CAPS2: variants seen among roughly 807,000 people sequenced by gnomAD.
CAPS2 encodes calcyphosin-2.
CAPS2 carries 98 observed loss-of-function variants against 86.5 expected under a neutral mutation model. The ratio of observed to expected loss-of-function variants is 1.13; its 90% CI spans 0.96 to 1.34. The LOEUF is 1.34. Among genes scored for constraint, CAPS2 ranks in the 40% most tolerant of loss-of-function variants. CAPS2 has a pLI of 0.00. For synonymous variants in CAPS2, 210 were observed against 225.1 expected (o/e 0.93, Z 0.60); for missense variants, 729 against 686.8 (o/e 1.06, Z -0.69).
intron 1 of CAPS2, among the ~76,000 whole-genome samples, chr12:75,357,798 T>C (rs2043250188): frequency 6.6e-6 from 1 of 151,786 alleles, no homozygotes; most frequent in African/African-American, 2.4e-5. Context: ...TTAGAAAGTA[T>C]GCTGAACTGA....
chr12:75,388,532 A>G (rs538061474), intron 1 of CAPS2, among the ~76,000 whole-genome samples: 2 of 152,212 alleles, frequency 1.3e-5, no homozygotes, highest in Non-Finnish European at 2.9e-5. Context: ...GAAAGAAGCC[A>G]ATCTGAAAAG....
At chr12:75,356,124 C>T (rs2043141421) in intron 1 of CAPS2, among the ~76,000 whole-genome samples, 1 of 151,840 alleles carries the variant, frequency 6.6e-6, no homozygotes, top group East Asian at 1.9e-4. Context: ...CATTTTTACC[C>T]TGGAACTTAA....
chr12:75,289,630 C>T (rs779048611), exon 14 of CAPS2: 1 of 1,609,418 alleles, frequency 6.2e-7, no homozygotes, highest in African/African-American at 1.3e-5. Context: ...CCTTTTCAGA[C>T]ACTTCTAAGT....
chr12:75,313,737 C>T (rs1345966404), intron 6 of CAPS2, among the ~76,000 whole-genome samples: 3 of 152,006 alleles, frequency 2.0e-5, no homozygotes, highest in African/African-American at 7.3e-5. Context: ...TTGATCACTC[C>T]AATAAATGAA....
rs979097933 is a variant in CAPS2 at position 75,379,878 on chromosome 12, T to A, written c.-395+10960A>T. Among the ~76,000 whole-genome samples, 71 of 145,074 alleles carry A rather than the reference T, an allele frequency of 4.9e-4. 1 individual carries two copies. The highest frequency in any genetic ancestry group is 1.8e-3 in the African/African-American group (70 of 39,426). On this transcript the variant is annotated intron_variant, in intron 1 of 5. Transcript: ENST00000551829. Reference sequence around the variant, plus strand: ...TAAAAAAAAAAAAAAAAAAAAAAAATTGTAGAGTGACCAAAAATCCTAGTT... The same window carrying A: ...TAAAAAAAAAAAAAAAAAAAAAAAAATGTAGAGTGACCAAAAATCCTAGTT...
chr12:75,300,853 T>C (rs1265942159), intron 8 of CAPS2, among the ~76,000 whole-genome samples: 2 of 152,086 alleles, frequency 1.3e-5, no homozygotes, highest in Non-Finnish European at 2.9e-5. Flanking sequence ...AATGCCTACC[T>C]CCAAGCAGCT....
At chr12:75,307,711 A>G (rs2038675166) in intron 7 of CAPS2, among the ~76,000 whole-genome samples, 1 of 152,210 alleles carries the variant, frequency 6.6e-6, no homozygotes, top group Non-Finnish European at 1.5e-5. Context: ...AAAATATAAT[A>G]ATAAGTAAAT....
Position 75,364,022 on chromosome 12 carries a change from C to T in CAPS2, c.-395+26816G>A, listed in dbSNP as rs1394352151. ...TTACGATCAATAGAAAGGAATACCTCGGTTAAGATAAGGGGTTGTGGAGAC... is the reference window on the plus strand; with the variant it reads ...TTACGATCAATAGAAAGGAATACCTTGGTTAAGATAAGGGGTTGTGGAGAC... On this transcript the variant is annotated intron_variant, in intron 1 of 5. Coordinates refer to the CAPS2 transcript ENST00000551829. 7.2e-5 allele frequency among the ~76,000 whole-genome samples: 11 copies of T among 152,202 alleles called. No homozygotes were observed. In the East Asian group the frequency reaches 2.1e-3, roughly 29 times the overall value.
chr12:75,378,986 T>C (rs2044810416), intron 1 of CAPS2, among the ~76,000 whole-genome samples: 1 of 152,226 alleles, frequency 6.6e-6, no homozygotes, highest in South Asian at 2.1e-4. Flanking sequence ...TAAAGGTAAA[T>C]TCACATGTAT....
intron 8 of CAPS2, 147 bp from the exon 9 acceptor site, chr12:75,300,058 T>G: frequency 2.3e-6 from 1 of 437,150 alleles, no homozygotes. Flanking sequence ...TTTTTTCAGA[T>G]TGCTAATTGT....
intron 1 of CAPS2, among the ~76,000 whole-genome samples, chr12:75,364,568 T>G (rs1472426948): frequency 6.6e-6 from 1 of 152,216 alleles, no homozygotes; most frequent in African/African-American, 2.4e-5. Context: ...CATTAACTGT[T>G]AAATTTTTTT....
intron 1 of CAPS2, chr12:75,369,474 T>C: frequency 3.1e-6 from 3 of 954,034 alleles, no homozygotes; most frequent in Middle Eastern, 1.1e-3. Flanking sequence ...TTTTTTTAAG[T>C]AGATTATTTC....
At chr12:75,283,821 T>A (rs546943228) in intron 15 of CAPS2, among the ~76,000 whole-genome samples, 3 of 151,416 alleles carry the variant, frequency 2.0e-5, no homozygotes, top group African/African-American at 7.3e-5. Context: ...CTCAAAAAAA[T>A]AAATAAATAA....
chr12:75,292,299 C>T (rs2036108588), intron 12 of CAPS2, among the ~76,000 whole-genome samples: 2 of 151,974 alleles, frequency 1.3e-5, no homozygotes, highest in Admixed American at 6.6e-5. Flanking sequence ...AACTCTTGAC[C>T]TTGTGATCCG....
upstream of CAPS2, among the ~76,000 whole-genome samples, chr12:75,332,992 C>A (rs1474648412): frequency 6.6e-6 from 1 of 152,132 alleles, no homozygotes; most frequent in Non-Finnish European, 1.5e-5. Flanking sequence ...GAGGAGAGAG[C>A]ATCCTTATCA....
In CAPS2 at chr12:75,352,518, C is replaced by G. The variant is rs143120646; in HGVS notation, c.-394-29296G>C. On this transcript the variant is annotated intron_variant, in intron 1 of 5. Transcript: ENST00000551829. ...ATTCATAAAACAAGTTCTTAGAGAC[C>G]TACAAAGTGACTTAGACTCCCACAC... is the stretch of plus-strand genomic sequence containing the variant. Among the ~76,000 whole-genome samples, 670 of 152,268 alleles carry G rather than the reference C, an allele frequency of 4.4e-3. 4 individuals carry two copies. Among genetic ancestry groups the G allele is most frequent in the African/African-American group, 0.011 (450 of 41,548 alleles).
chr12:75,276,067 C>T (rs749397841), downstream of CAPS2: 94 of 758,764 alleles, frequency 1.2e-4, no homozygotes, highest in Middle Eastern at 2.8e-3. Flanking sequence ...AAAAATGGAA[C>T]GATATGTATG....
exon 10 of CAPS2, chr12:75,298,924 G>T (rs1363355987): frequency 6.2e-7 from 1 of 1,608,860 alleles, no homozygotes; most frequent in Non-Finnish European, 8.5e-7. Context: ...GGTCATGAGT[G>T]AAAAAGAACC....
chr12:75,291,705 A>G, intron 13 of CAPS2, 39 bp downstream of exon 13: 1 of 1,101,188 alleles, frequency 9.1e-7, no homozygotes, highest in Non-Finnish European at 1.3e-6. Context: ...AAAAGGACTG[A>G]AAATTCAAAG....
Sources: gnomAD v4.1 joint callset for allele counts (sites outside exome capture counted in the v4.1 genomes callset) on GRCh38, gnomAD v4.1.1 for gene constraint, MANE v1.5 for transcripts, NCBI Gene and HGNC (gene_info 2026-07-23, HGNC 2026-07-21) for gene names.